USH2A: variants seen among roughly 807,000 people sequenced by gnomAD.
The protein encoded by USH2A is usherin, also known as Usher syndrome 2A (autosomal recessive, mild).
USH2A carries 443 observed loss-of-function variants against 538.9 expected under a neutral mutation model. The ratio of observed to expected loss-of-function variants is 0.82; its 90% CI spans 0.76 to 0.89. The LOEUF is 0.89. Among genes scored for constraint, USH2A ranks in the 40% least tolerant of loss-of-function variants. The pLI is 0.00. For synonymous variants in USH2A, 2,413 were observed against 2,273.5 expected, an observed-to-expected ratio of 1.06 and a Z score of -1.75; for missense variants, 6,633 against 6,324.8, an observed-to-expected ratio of 1.05 and a Z score of -1.65.
intron 21 of USH2A, among the ~76,000 whole-genome samples, chr1:216,119,562 A>G (rs563320417): frequency 1.3e-4 from 20 of 152,242 alleles, no homozygotes; most frequent in African/African-American, 4.8e-4. Context: ...TTAATTTCAC[A>G]TATATTAATT....
intron 35 of USH2A, among the ~76,000 whole-genome samples, chr1:215,986,231 T>C (rs1435660402): frequency 6.6e-6 from 1 of 151,812 alleles, no homozygotes; most frequent in African/African-American, 2.4e-5. Context: ...GCGATTCTCA[T>C]GCCCCAGCCT....
chr1:216,247,362 G>T, intron 12 of USH2A, 136 bp from the exon 13 acceptor site: 4 of 1,034,628 alleles, frequency 3.9e-6, no homozygotes, highest in Non-Finnish European at 4.3e-6. Flanking sequence ...GCCATAGGGG[G>T]CCAATCTTAC....
chr1:215,938,127 A>G (rs756092943), intron 37 of USH2A, among the ~76,000 whole-genome samples: 10 of 152,140 alleles, frequency 6.6e-5, no homozygotes, highest in Non-Finnish European at 1.3e-4. Context: ...AATAATTATG[A>G]GAAGTATGCA....
rs186154433 is a variant in USH2A at position 215,694,853 on chromosome 1, G to A, written c.12067-14477C>T. ...CATATAGGATTTAGCCCTTAGAAAA[G>A]TTGTTTTACATTTAATCATCTCAAG... On this transcript the variant is annotated intron_variant, in intron 61 of 71. Coordinates refer to ENST00000307340, the MANE Select transcript of USH2A (RefSeq NM_206933.4). 3.8e-4 allele frequency among the ~76,000 whole-genome samples: 58 copies of A among 152,212 alleles called. 1 individual carries two copies. In the East Asian group the frequency reaches 0.01, roughly 27 times the overall value.
chr1:216,119,501 A>C (rs2033081807), intron 21 of USH2A, among the ~76,000 whole-genome samples: 1 of 151,944 alleles, frequency 6.6e-6, no homozygotes, highest in South Asian at 2.1e-4. Flanking sequence ...TGTAAAGACC[A>C]ATTATTCAAA....
chr1:216,256,903 G>T (rs1220214765), intron 11 of USH2A, among the ~76,000 whole-genome samples: 2 of 151,978 alleles, frequency 1.3e-5, no homozygotes, highest in African/African-American at 4.8e-5. Context: ...TGACTGTGCA[G>T]GGAATCAGTG....
intron 23 of USH2A, among the ~76,000 whole-genome samples, chr1:216,087,745 T>A (rs192559655): frequency 1.8e-4 from 27 of 152,242 alleles, no homozygotes; most frequent in African/African-American, 6.3e-4. Flanking sequence ...ATAACCAGAA[T>A]CTGAATACTT....
intron 30 of USH2A, among the ~76,000 whole-genome samples, chr1:216,050,679 A>G (rs1373205345): frequency 7.0e-6 from 1 of 141,984 alleles, no homozygotes; most frequent in Non-Finnish European, 1.5e-5. Flanking sequence ...ATCTCGGCTC[A>G]CTGCAAGCTC....
At position 215,941,282 on chromosome 1, in the gene USH2A, G is replaced by A. The variant is rs142618783; in HGVS notation, c.7121-6487C>T. On this transcript the variant is annotated intron_variant, in intron 37 of 71. Transcript: ENST00000307340. ...ACATTTTATATATAAAGTTCACTAC[G>A]ATATATAAAATTCAGTACAGTTCAC... is the stretch of plus-strand genomic sequence containing the variant. 3.0e-4 allele frequency among the ~76,000 whole-genome samples: 45 copies of A among 151,982 alleles called. 1 individual carries two copies. Among genetic ancestry groups the A allele is most frequent in the Admixed American group, 2.2e-3 (33 of 15,258 alleles).
intron 13 of USH2A, among the ~76,000 whole-genome samples, chr1:216,238,204 C>T (rs922559617): frequency 1.2e-4 from 18 of 152,164 alleles, no homozygotes; most frequent in African/African-American, 3.6e-4. Flanking sequence ...CCTATTAGTA[C>T]AAAACATGTC....
At position 215,790,119 on chromosome 1, in the gene USH2A, A is replaced by G. The variant is rs2102769913; in HGVS notation, c.10122T>C (p.Val3374=). The change falls in exon 51 of 72, where the codon GTT becomes GTC. Residue 3374 remains valine, a synonymous_variant. Transcript: ENST00000307340. ...AAACATATTTCAAAGGATTATATCC[A>G]ACTCCATTACAGCATTTCTGGCTCT... The part of the protein sequence containing the change: ...IPKSQKCCNG[V]GYNPLKYVCS... The G allele has an allele frequency of 8.1e-6, 13 of 1,613,790 alleles. No individual in the cohort carries two copies. The highest frequency in any genetic ancestry group is 1.0e-5 in the Non-Finnish European group (12 of 1,179,986).
chr1:215,670,868 C>G (rs1483612551), intron 64 of USH2A, 104 bp downstream of exon 64: 1 of 1,185,406 alleles, frequency 8.4e-7, no homozygotes, highest in Non-Finnish European at 1.2e-6. Flanking sequence ...TCCTTAAGTC[C>G]TACATTTCTT....
At chr1:215,810,567 T>C (rs1254296558) in intron 49 of USH2A, among the ~76,000 whole-genome samples, 2 of 152,188 alleles carry the variant, frequency 1.3e-5, no homozygotes, top group Non-Finnish European at 2.9e-5. Context: ...CACTATTACT[T>C]AGTTCCATGA....
At chr1:215,923,938 A>T (rs1272494931) in intron 38 of USH2A, among the ~76,000 whole-genome samples, 1 of 151,644 alleles carries the variant, frequency 6.6e-6, no homozygotes, top group African/African-American at 2.4e-5. Flanking sequence ...TGTTGCCCAG[A>T]CTGGTCTCAA....
chr1:216,229,875 G>C (rs1039270846), intron 14 of USH2A, among the ~76,000 whole-genome samples: 4 of 152,044 alleles, frequency 2.6e-5, no homozygotes, highest in Admixed American at 6.6e-5. Flanking sequence ...GGAACAGAAT[G>C]GGGTAAAAGG....
intron 38 of USH2A, among the ~76,000 whole-genome samples, chr1:215,910,963 T>C (rs1665765910): frequency 6.6e-6 from 1 of 151,966 alleles, no homozygotes; most frequent in South Asian, 2.1e-4. Flanking sequence ...ATTCACAAGG[T>C]TTAGAAAAAG....
At chr1:216,215,586 T>C (rs1413651605) in intron 15 of USH2A, among the ~76,000 whole-genome samples, 1 of 152,124 alleles carries the variant, frequency 6.6e-6, no homozygotes, top group Non-Finnish European at 1.5e-5. Flanking sequence ...AGGAAAGTTG[T>C]CTCATTTGTT....
chr1:215,707,902 C>T (rs1659226321), intron 61 of USH2A, among the ~76,000 whole-genome samples: 1 of 152,088 alleles, frequency 6.6e-6, no homozygotes, highest in South Asian at 2.1e-4. Flanking sequence ...AAAGGACAGG[C>T]TTTAAATATC....
intron 32 of USH2A, among the ~76,000 whole-genome samples, chr1:216,030,105 A>G (rs1669067767): frequency 6.9e-6 from 1 of 145,564 alleles, no homozygotes; most frequent in Non-Finnish European, 1.5e-5. Flanking sequence ...TCACAGATAT[A>G]TAATATATGG....
Sources: gnomAD v4.1 joint callset for allele counts (sites outside exome capture counted in the v4.1 genomes callset) on GRCh38, gnomAD v4.1.1 for gene constraint, MANE v1.5 for transcripts, NCBI Gene and HGNC (gene_info 2026-07-23, HGNC 2026-07-21) for gene names.